NCKAP5: variants seen among roughly 807,000 people sequenced by gnomAD.
NCKAP5 encodes NCK associated protein 5, also known as nck-associated protein 5.
In NCKAP5, 92 loss-of-function variants were observed where a neutral mutation model predicts 167.0. That is an observed-to-expected ratio of 0.55 (90% CI 0.47 to 0.66). The LOEUF is 0.66. Among genes scored for constraint, NCKAP5 ranks in the 30% least tolerant of loss-of-function variants. NCKAP5 has a pLI of 0.00. For synonymous variants in NCKAP5, 891 were observed against 877.4 expected (o/e 1.02, Z -0.27); for missense variants, 2,378 against 2,315.0 (o/e 1.03, Z -0.56).
intron 6 of NCKAP5, among the ~76,000 whole-genome samples, chr2:133,018,570 A>G (rs2078422774): frequency 6.6e-6 from 1 of 152,230 alleles, no homozygotes; most frequent in African/African-American, 2.4e-5. Context: ...TACTTAACAC[A>G]TTCTTAAGGT....
the NCKAP5 span, among the ~76,000 whole-genome samples, chr2:133,604,457 C>T: frequency 2.0e-5 from 3 of 152,072 alleles, no homozygotes; most frequent in East Asian, 3.9e-4. Context: ...CCACTTGCCT[C>T]GGCCTCCTAA....
At chr2:133,101,450 G>A (rs1301531052) in intron 6 of NCKAP5, among the ~76,000 whole-genome samples, 3 of 140,096 alleles carry the variant, frequency 2.1e-5, no homozygotes, top group African/African-American at 8.3e-5. Context: ...AAAGTCATTG[G>A]TAGCTTGATG....
At chr2:132,775,677 T>A (rs909590469) in intron 15 of NCKAP5, among the ~76,000 whole-genome samples, 24 of 152,316 alleles carry the variant, frequency 1.6e-4, no homozygotes, top group Middle Eastern at 6.8e-3. Flanking sequence ...CCTTCCAAGG[T>A]TCTCTTTGCT....
At chr2:133,004,901 C>T (rs550625234) in intron 6 of NCKAP5, among the ~76,000 whole-genome samples, 1 of 152,286 alleles carries the variant, frequency 6.6e-6, no homozygotes, top group African/African-American at 2.4e-5. Flanking sequence ...CAGGGTTATT[C>T]CTTGCTGGGA....
intron 3 of NCKAP5, among the ~76,000 whole-genome samples, chr2:133,468,404 A>G (rs1051864802): frequency 6.7e-6 from 1 of 150,100 alleles, no homozygotes; most frequent in Non-Finnish European, 1.5e-5. Flanking sequence ...GTTCTTTTAC[A>G]TTTGCTGAGG....
At chr2:133,277,197 A>T (rs2089764726) in intron 4 of NCKAP5, among the ~76,000 whole-genome samples, 1 of 152,174 alleles carries the variant, frequency 6.6e-6, no homozygotes, top group Non-Finnish European at 1.5e-5. Flanking sequence ...TATGCAAGAT[A>T]AATCAAATGG....
At chr2:133,326,458 C>CAAAA (rs34750625) in intron 3 of NCKAP5, among the ~76,000 whole-genome samples, 59 of 48,620 alleles carry the variant, frequency 1.2e-3, no homozygotes, top group African/African-American at 1.7e-3. Flanking sequence ...TCAGTCTCAA[C>CAAAA]AAAAAAAAAA....
chr2:133,414,800 T>C (rs1246859709), intron 3 of NCKAP5, among the ~76,000 whole-genome samples: 1 of 152,204 alleles, frequency 6.6e-6, no homozygotes, highest in South Asian at 2.1e-4. Context: ...GGTGGAATAT[T>C]ATAGCACACA....
At chr2:132,888,935 C>A (rs1050936616) in intron 8 of NCKAP5, among the ~76,000 whole-genome samples, 3 of 152,156 alleles carry the variant, frequency 2.0e-5, no homozygotes, top group African/African-American at 7.2e-5. Context: ...ACTTGATTGA[C>A]CAATGGAAGG....
intron 7 of NCKAP5, among the ~76,000 whole-genome samples, chr2:132,992,437 G>A (rs983235349): frequency 1.3e-5 from 2 of 152,160 alleles, no homozygotes; most frequent in Non-Finnish European, 2.9e-5. Context: ...GAATCTGAAT[G>A]AAAGAGATCC....
In NCKAP5 at chr2:132,773,796, A is replaced by G; in HGVS notation, c.5128+20T>C. 2 of 1,585,084 alleles carry G rather than the reference A, an allele frequency of 1.3e-6. No individual in the cohort carries two copies. The highest frequency in any genetic ancestry group is 1.7e-6 in the Non-Finnish European group (2 of 1,157,664). The stretch of plus-strand genomic sequence containing the variant: ...TAGAATAAGTCTCCATAAAAGACAT[A>G]TGAATATGTGAATTTTTACCTATGA... On this transcript the variant is annotated intron_variant, in intron 16 of 19. Coordinates refer to ENST00000409261, the MANE Select transcript of NCKAP5 (RefSeq NM_207363.3).
chr2:133,590,545 A>T, the NCKAP5 span, among the ~76,000 whole-genome samples: 1 of 148,222 alleles, frequency 6.7e-6, no homozygotes. Context: ...AAAAAAAAAA[A>T]GAAAGTGGTG....
chr2:132,994,040 G>A (rs2077520393), intron 7 of NCKAP5, 112 bp downstream of exon 7: 3 of 656,442 alleles, frequency 4.6e-6, no homozygotes, highest in Non-Finnish European at 7.4e-6. Flanking sequence ...TTTTAGCACT[G>A]GGGTCTGGAA....
intron 6 of NCKAP5, among the ~76,000 whole-genome samples, chr2:133,079,825 T>C (rs2080742814): frequency 6.6e-6 from 1 of 152,198 alleles, no homozygotes; most frequent in Admixed American, 6.5e-5. Context: ...TCTTTCCATG[T>C]ATTCAAAATT....
chr2:133,538,935 T>G (rs1185613933), intron 2 of NCKAP5, among the ~76,000 whole-genome samples: 3,607 of 71,972 alleles, frequency 0.05, 135 homozygotes, highest in South Asian at 0.12. Context: ...TTTTGGGTTT[T>G]TTTTTTTTTT....
intron 11 of NCKAP5, among the ~76,000 whole-genome samples, chr2:132,809,519 G>A (rs1685693705): frequency 8.6e-6 from 1 of 116,436 alleles, no homozygotes. Context: ...ATTATATAAT[G>A]TCTCTCTTTG....
Position 132,784,097 on chromosome 2 carries a change from T to C in NCKAP5, c.2714A>G (p.Asp905Gly). 1 of 1,521,702 alleles carries C rather than the reference T, an allele frequency of 6.6e-7. No individual in the cohort carries two copies. The highest frequency in any genetic ancestry group is 8.8e-7 in the Non-Finnish European group (1 of 1,137,212). The allele number at this position is 1,521,702 out of a possible 1,614,324, so 94.3% of individuals were successfully genotyped here. A position where few individuals can be genotyped will look rare whatever the true frequency, so the allele number is the denominator to read the frequency against. ...ATCCCTCGTGGGGGGCTCTCCACTGTCACTAGACTCAATGGCAGGCCTTGA... is the reference window on the plus strand; with the variant it reads ...ATCCCTCGTGGGGGGCTCTCCACTGCCACTAGACTCAATGGCAGGCCTTGA... ...SRSRPAIESS[D>G]SGEPPTRDEH... The change falls in exon 14 of 20, where the codon GAC (aspartate) becomes GGC (glycine). Residue 905 changes from aspartate to glycine, a missense_variant. Asp to Gly is a moderately conservative substitution (Grantham distance 94). This residue lies in a region of NCKAP5 where 1,325 missense variants were observed against 1,274.5 expected (regional missense o/e 1.04). Transcript: ENST00000409261.
At chr2:132,789,886 G>A (rs1683911693) in intron 13 of NCKAP5, 137 bp downstream of exon 13, 5 of 716,970 alleles carry the variant, frequency 7.0e-6, no homozygotes, top group African/African-American at 3.6e-5. Flanking sequence ...ATGAAAGGAT[G>A]TCAGTATAAT....
the NCKAP5 span, among the ~76,000 whole-genome samples, chr2:133,599,293 A>G: frequency 6.6e-6 from 1 of 152,200 alleles, no homozygotes; most frequent in Admixed American, 6.5e-5. Context: ...CTTTGAGAAT[A>G]ATTGTGAGGT....
Sources: gnomAD v4.1 joint callset for allele counts (sites outside exome capture counted in the v4.1 genomes callset) on GRCh38, gnomAD v4.1.1 for gene constraint, gnomAD v4.1.1 regional missense constraint, MANE v1.5 for transcripts, NCBI Gene and HGNC (gene_info 2026-07-23, HGNC 2026-07-21) for gene names.